POT1: variants seen among roughly 807,000 people sequenced by gnomAD.
POT1 encodes protection of telomeres protein 1.
In POT1, 47 loss-of-function variants were observed where a neutral mutation model predicts 78.5. The observed-to-expected ratio is 0.60, with a 90% CI of 0.47 to 0.76. POT1 has a LOEUF of 0.76. POT1 is among the 30% of genes least tolerant of loss of function. The pLI is 0.00. For synonymous variants in POT1, 259 were observed against 260.7 expected, an observed-to-expected ratio of 0.99 and a Z score of 0.06; for missense variants, 646 against 749.9, an observed-to-expected ratio of 0.86 and a Z score of 1.62.
rs188166403 is a variant in POT1 at position 124,857,434 on chromosome 7, C to T, written c.702+1523G>A. Among the ~76,000 whole-genome samples, 890 of 152,320 alleles carry T rather than the reference C, an allele frequency of 5.8e-3. 30 individuals are homozygous for T. Among genetic ancestry groups the T allele is most frequent in the Admixed American group, 0.052 (801 of 15,296 alleles). ...TACCACGGCCCAAAGTGAGAACTTA[C>T]ATCCCTGTTTTCCTGCTCAAATGTT... On this transcript the variant is annotated intron_variant, in intron 9 of 18. Coordinates refer to ENST00000357628, the MANE Select transcript of POT1 (RefSeq NM_015450.3).
chr7:124,864,571 C>T (rs1188669473), intron 7 of POT1, among the ~76,000 whole-genome samples: 2 of 151,732 alleles, frequency 1.3e-5, no homozygotes, highest in African/African-American at 4.8e-5. Context: ...ACTAGTGCTC[C>T]ATTTCGTTCT....
chr7:124,881,299 C>T (rs1348880317), intron 6 of POT1, among the ~76,000 whole-genome samples: 4 of 151,990 alleles, frequency 2.6e-5, no homozygotes, highest in Admixed American at 1.3e-4. Context: ...GGTTTCTACA[C>T]ATGCTCCATT....
Position 124,823,801 on chromosome 7 carries a change from C to T in POT1, c.*161G>A. 1.7e-6 allele frequency: 1 copy of T among 590,978 alleles called. No homozygotes were observed. Among genetic ancestry groups the T allele is most frequent in the South Asian group, 2.1e-5 (1 of 46,566 alleles). The allele number at this position is 590,978 out of a possible 1,614,324, so 36.6% of individuals were successfully genotyped here. A position where few individuals can be genotyped will look rare whatever the true frequency, so the allele number is the denominator to read the frequency against. ...AAATCCATAGCCATTATTTACCTTG[C>T]ACCCAGTAAAAGCCAAGAGATTTAA... On this transcript the variant is annotated 3_prime_UTR_variant, in exon 19 of 19. Transcript: ENST00000357628.
At chr7:124,844,429 G>A (rs1053836224) in intron 12 of POT1, among the ~76,000 whole-genome samples, 2 of 148,624 alleles carry the variant, frequency 1.3e-5, no homozygotes, top group African/African-American at 4.9e-5. Context: ...GCACCCAGCT[G>A]GTGATGCTTT....
At chr7:124,826,504 A>C (rs1794633174) in intron 17 of POT1, among the ~76,000 whole-genome samples, 1 of 152,180 alleles carries the variant, frequency 6.6e-6, no homozygotes, top group Admixed American at 6.5e-5. Flanking sequence ...ACTGCCTCAA[A>C]ACTTTATACA....
intron 8 of POT1, among the ~76,000 whole-genome samples, chr7:124,862,216 T>A (rs972687961): frequency 2.0e-5 from 3 of 152,170 alleles, no homozygotes; most frequent in Admixed American, 6.5e-5. Context: ...AGAGAAAATG[T>A]AGACTCAACT....
chr7:124,853,291 TTGAATATCAGC>T (rs1795363318), intron 9 of POT1, 153 bp from the exon 10 acceptor site: 2 of 591,120 alleles, frequency 3.4e-6, no homozygotes, highest in Non-Finnish European at 5.8e-6. Flanking sequence ...ACGAGTGTGG[TTGAATATCAGC>T]TGCATGGACA....
intron 3 of POT1, among the ~76,000 whole-genome samples, chr7:124,911,332 G>T (rs1453170455): frequency 6.6e-6 from 1 of 152,088 alleles, no homozygotes; most frequent in Non-Finnish European, 1.5e-5. Context: ...AGGCATGATT[G>T]TGTGTATGTG....
chr7:124,844,474 C>G (rs1183846780), intron 12 of POT1, among the ~76,000 whole-genome samples: 6 of 148,302 alleles, frequency 4.0e-5, no homozygotes, highest in African/African-American at 1.5e-4. Context: ...CGGTGGCTCA[C>G]GCCTGTAATC....
At chr7:124,846,724 G>C (rs1185816723) in intron 12 of POT1, among the ~76,000 whole-genome samples, 1 of 148,934 alleles carries the variant, frequency 6.7e-6, no homozygotes, top group East Asian at 2.0e-4. Context: ...GTTAGAGATA[G>C]ATGACTTAAA....
At chr7:124,912,110 T>C (rs192759832) in intron 3 of POT1, among the ~76,000 whole-genome samples, 3 of 152,256 alleles carry the variant, frequency 2.0e-5, no homozygotes, top group Non-Finnish European at 4.4e-5. Context: ...TGTATCTAAT[T>C]ACAATAATAG....
chr7:124,894,907 C>T (rs73719078), intron 5 of POT1, among the ~76,000 whole-genome samples: 1,906 of 151,798 alleles, frequency 0.013, 27 homozygotes, highest in African/African-American at 0.044. Flanking sequence ...ATAGCATATA[C>T]TAGCATTATG....
intron 6 of POT1, among the ~76,000 whole-genome samples, chr7:124,889,993 T>G (rs759662048): frequency 3.3e-5 from 5 of 151,902 alleles, no homozygotes; most frequent in African/African-American, 9.7e-5. Context: ...AAAAAATACC[T>G]TTTATAAGGC....
At chr7:124,885,287 T>G (rs1367929667) in intron 6 of POT1, among the ~76,000 whole-genome samples, 7 of 92,640 alleles carry the variant, frequency 7.6e-5, no homozygotes, top group African/African-American at 3.1e-4. Context: ...AAGACCTCCA[T>G]CTCTCCAAAA....
intron 3 of POT1, chr7:124,900,808 G>A (rs1199178633): frequency 2.5e-6 from 1 of 397,950 alleles, no homozygotes; most frequent in Non-Finnish European, 5.2e-6. Context: ...ATAATACTGT[G>A]CTTTTCCAAC....
intron 2 of POT1, among the ~76,000 whole-genome samples, chr7:124,916,125 T>TTTAAAAAAAG (rs1272055349): frequency 6.6e-6 from 1 of 152,162 alleles, no homozygotes; most frequent in Non-Finnish European, 1.5e-5. Flanking sequence ...GCTCTGTCAG[T>TTTAAAAAAAG]TTAAAAAAAG....
intron 2 of POT1, among the ~76,000 whole-genome samples, chr7:124,922,072 A>T (rs554740095): frequency 6.6e-6 from 1 of 152,194 alleles, no homozygotes; most frequent in African/African-American, 2.4e-5. Context: ...ACGAAACAAC[A>T]GAATCCAGAA....
At chr7:124,829,733 T>A (rs1794717306) in intron 15 of POT1, among the ~76,000 whole-genome samples, 1 of 151,662 alleles carries the variant, frequency 6.6e-6, no homozygotes, top group Non-Finnish European at 1.5e-5. Context: ...TATCTATATA[T>A]ATATATTTTT....
intron 14 of POT1, among the ~76,000 whole-genome samples, chr7:124,839,456 C>G (rs920973035): frequency 3.9e-5 from 6 of 152,138 alleles, no homozygotes; most frequent in African/African-American, 1.2e-4. Flanking sequence ...TGCTGCAGGT[C>G]CTTAAAGTCT....
Sources: gnomAD v4.1 joint callset for allele counts (sites outside exome capture counted in the v4.1 genomes callset) on GRCh38, gnomAD v4.1.1 for gene constraint, MANE v1.5 for transcripts, NCBI Gene and HGNC (gene_info 2026-07-23, HGNC 2026-07-21) for gene names.